CD6: variants seen among roughly 807,000 people sequenced by gnomAD.
CD6 encodes CD6 molecule, also known as T-cell differentiation antigen CD6.
Under a neutral mutation model 75.3 loss-of-function variants are expected in CD6, and 53 were observed. That is an observed-to-expected ratio of 0.70 (90% CI 0.56 to 0.88). CD6 has a LOEUF of 0.88. Among genes scored for constraint, CD6 ranks in the 40% least tolerant of loss-of-function variants. CD6 has a pLI of 0.00. For synonymous variants in CD6, 359 were observed against 381.5 expected, an observed-to-expected ratio of 0.94 and a Z score of 0.69; for missense variants, 770 against 897.1, an observed-to-expected ratio of 0.86 and a Z score of 1.81.
chr11:61,003,262 G>A (rs1858682967), intron 1 of CD6, among the ~76,000 whole-genome samples: 2 of 151,910 alleles, frequency 1.3e-5, no homozygotes. Flanking sequence ...ACCACGCCCA[G>A]CCCTAATCAA....
At chr11:61,017,101 A>G (rs1388923205) in intron 9 of CD6, 1 of 235,964 alleles carries the variant, frequency 4.2e-6, no homozygotes, top group African/African-American at 2.3e-5. Flanking sequence ...GTGATTCCAG[A>G]CCATCTGGGT....
In CD6 at chr11:61,013,971, G is replaced by C. The variant is rs770585653; in HGVS notation, c.1344G>C (p.Gly448=). Residue 448 remains glycine (G), a synonymous_variant, in exon 8 of 13, where the codon GGG becomes GGC. Transcript: ENST00000313421. ...ACCTACCCACCACCATCCCGGCAGGGAGCAATAGCTATCAACCGGTCCCCA... is the reference window on the plus strand; with the variant it reads ...ACCTACCCACCACCATCCCGGCAGGCAGCAATAGCTATCAACCGGTCCCCA... ...HQHLPTTIPA[G]SNSYQPVPIT... is the part of the protein sequence containing the mutation. 1 of 1,613,758 alleles carries C rather than the reference G, an allele frequency of 6.2e-7. No individual in the cohort carries two copies. Among genetic ancestry groups the C allele is most frequent in the African/African-American group, 1.3e-5 (1 of 74,910 alleles).
At chr11:60,985,911 A>C (rs1857795214) in intron 1 of CD6, among the ~76,000 whole-genome samples, 1 of 152,258 alleles carries the variant, frequency 6.6e-6, no homozygotes, top group South Asian at 2.1e-4. Flanking sequence ...TGTTTACTGC[A>C]TGATTCAGTT....
At chr11:61,014,458 G>T (rs1859306498) in intron 8 of CD6, among the ~76,000 whole-genome samples, 1 of 152,178 alleles carries the variant, frequency 6.6e-6, no homozygotes. Flanking sequence ...ATTGGGGCTG[G>T]GTACAGTGGC....
rs199949916 is a variant in CD6, at chr11:60,971,900, C to A, written c.35C>A (p.Thr12Lys). 1.2e-6 allele frequency: 2 copies of A among 1,613,890 alleles called. No homozygotes were observed. Among genetic ancestry groups the A allele is most frequent in the African/African-American group, 1.3e-5 (1 of 74,946 alleles). ...TTCTTCGGGATCACTGGATTGCTGA[C>A]GGCAGCCCTCTCAGGTAGGCCCCCT... ...WLFFGITGLL[T>K]AALSGHPSPA... Residue 12 changes from threonine to lysine, a missense_variant, in exon 1 of 13, where the codon ACG becomes AAG. Physicochemically the swap from Thr to Lys is moderately conservative, Grantham distance 78. Coordinates refer to ENST00000313421, the MANE Select transcript of CD6 (RefSeq NM_006725.5).
chr11:60,997,390 A>G (rs946384922), intron 1 of CD6, among the ~76,000 whole-genome samples: 1 of 149,900 alleles, frequency 6.7e-6, no homozygotes, highest in Non-Finnish European at 1.5e-5. Context: ...AAAAAAAAAA[A>G]AATAAAATAA....
At chr11:60,973,930 C>T (rs535601185) in intron 1 of CD6, among the ~76,000 whole-genome samples, 1 of 152,264 alleles carries the variant, frequency 6.6e-6, no homozygotes, top group South Asian at 2.1e-4. Context: ...ATGCAAGGGA[C>T]ACTGAGCTGC....
chr11:61,009,484 T>C (rs759263147), intron 4 of CD6, 88 bp from the exon 5 acceptor site: 54 of 1,199,494 alleles, frequency 4.5e-5, no homozygotes, highest in Non-Finnish European at 5.2e-5. Context: ...AATGGCTGCA[T>C]TGGTGCCTGC....
At chr11:61,010,286 G>A (rs1394850556) in intron 5 of CD6, among the ~76,000 whole-genome samples, 2 of 152,152 alleles carry the variant, frequency 1.3e-5, no homozygotes, top group African/African-American at 4.8e-5. Context: ...TCTTATTTCA[G>A]CTGAGCCTCA....
At position 61,002,556 on chromosome 11, in the gene CD6, C is replaced by CA. The variant is rs536736904; in HGVS notation, c.50-4007dup. On this transcript the variant is annotated intron_variant, in intron 1 of 12. Coordinates refer to ENST00000313421, the MANE Select transcript of CD6 (RefSeq NM_006725.5). ...TGGGTGACAGAGCAAGACACTGTTT[C>CA]AAAAAAAAAAATCTGCAGTGAACAT... Among the ~76,000 whole-genome samples the CA allele has an allele frequency of 8.0e-3, 1,163 of 145,106 alleles. 9 individuals are homozygous for CA. The highest frequency in any genetic ancestry group is 0.021 in the Middle Eastern group (6 of 284).
intron 1 of CD6, among the ~76,000 whole-genome samples, chr11:60,987,139 A>G (rs960655000): frequency 4.6e-5 from 7 of 152,156 alleles, no homozygotes; most frequent in African/African-American, 1.7e-4. Context: ...AAAAAACCAG[A>G]AATGTATTGT....
chr11:61,014,849 C>T (rs911048597), intron 8 of CD6, among the ~76,000 whole-genome samples: 4 of 152,160 alleles, frequency 2.6e-5, no homozygotes, highest in Non-Finnish European at 4.4e-5. Flanking sequence ...ATTCAATCAC[C>T]TTTATCGGAA....
At chr11:60,991,833 C>CTTAT (rs1858076777) in intron 1 of CD6, among the ~76,000 whole-genome samples, 1 of 150,282 alleles carries the variant, frequency 6.7e-6, no homozygotes, top group Non-Finnish European at 1.5e-5. Context: ...AGCTAATTTA[C>CTTAT]TTATTTATTT....
In CD6 at chr11:61,005,138, G is replaced by T. The variant is rs547043662; in HGVS notation, c.50-1436G>T. 6.6e-5 allele frequency among the ~76,000 whole-genome samples: 10 copies of T among 152,312 alleles called. No homozygotes were observed. In the East Asian group the frequency reaches 1.9e-3, roughly 29 times the overall value. ...GGCCTCAGGCCCACGCATCAGTTGG[G>T]TTCCCACCAGGAAACCTAGAATAGG... On this transcript the variant is annotated intron_variant, in intron 1 of 12. Transcript: ENST00000313421.
chr11:60,993,477 AACC>A (rs1406029665), intron 1 of CD6, among the ~76,000 whole-genome samples: 4 of 152,128 alleles, frequency 2.6e-5, no homozygotes, highest in African/African-American at 4.8e-5. Flanking sequence ...GGATAATAAC[AACC>A]ACAGCTACCA....
chr11:60,985,799 A>C (rs1370815038), intron 1 of CD6, among the ~76,000 whole-genome samples: 1 of 152,230 alleles, frequency 6.6e-6, no homozygotes, highest in Non-Finnish European at 1.5e-5. Flanking sequence ...CTCTGCAAAA[A>C]TAAAATTTAA....
At chr11:60,978,589 C>A (rs1298359434) in intron 1 of CD6, among the ~76,000 whole-genome samples, 1 of 152,186 alleles carries the variant, frequency 6.6e-6, no homozygotes, top group Non-Finnish European at 1.5e-5. Flanking sequence ...AGGACCCAGC[C>A]TAAACATGCT....
chr11:60,985,348 C>G (rs1030792941), intron 1 of CD6, among the ~76,000 whole-genome samples: 2 of 151,840 alleles, frequency 1.3e-5, no homozygotes, highest in African/African-American at 4.8e-5. Context: ...CATTGCCTGG[C>G]TAATTTTTGT....
At chr11:60,996,718 C>T (rs1858316255) in intron 1 of CD6, among the ~76,000 whole-genome samples, 1 of 152,218 alleles carries the variant, frequency 6.6e-6, no homozygotes, top group Admixed American at 6.5e-5. Flanking sequence ...GAGGCACACC[C>T]TGCCCTGTCC....
Sources: allele counts gnomAD v4.1 joint callset (sites outside exome capture counted in the v4.1 genomes callset), GRCh38; gene constraint gnomAD v4.1.1; transcripts MANE v1.5; gene names NCBI Gene and HGNC (gene_info 2026-07-23, HGNC 2026-07-21).